Variants in ARMH4 observed in about 807,000 individuals in gnomAD.
The protein encoded by ARMH4 is armadillo-like helical domain-containing protein 4.
A neutral mutation model predicts 61.9 loss-of-function variants in ARMH4; 49 were observed. The observed-to-expected ratio is 0.79, with a 90% CI of 0.63 to 1.00. The LOEUF (loss-of-function observed/expected upper bound fraction) is 1.00. ARMH4 is among the 50% of genes least tolerant of loss of function. The probability of loss-of-function intolerance (pLI) is 0.00; values close to 1 mark genes in which losing one functional copy is unlikely to be tolerated. For missense variants in ARMH4, 934 were observed against 930.0 expected, an observed-to-expected ratio of 1.00 and a Z score of -0.06; for synonymous variants, 368 against 341.5, an observed-to-expected ratio of 1.08 and a Z score of -0.85.
At chr14:58,046,260 A>G (rs1410461816) in intron 5 of ARMH4, among the ~76,000 whole-genome samples, 4 of 152,184 alleles carry the variant, frequency 2.6e-5, no homozygotes, top group African/African-American at 9.7e-5. Flanking sequence ...TTGGAAACTA[A>G]ATCCCTGGTA....
intron 4 of ARMH4, among the ~76,000 whole-genome samples, chr14:58,121,356 G>GGC (rs1449936828): frequency 1.3e-5 from 2 of 151,858 alleles, no homozygotes; most frequent in Non-Finnish European, 2.9e-5. Context: ...GCAAAAAAAA[G>GGC]GCACACACAC....
At chr14:58,088,998 G>A (rs982140448) in intron 5 of ARMH4, among the ~76,000 whole-genome samples, 6 of 152,104 alleles carry the variant, frequency 3.9e-5, no homozygotes, top group Non-Finnish European at 8.8e-5. Context: ...GTAGCATCCA[G>A]GTATCAATAA....
intron 5 of ARMH4, among the ~76,000 whole-genome samples, chr14:58,096,221 T>A (rs1042591271): frequency 2.0e-5 from 3 of 152,220 alleles, no homozygotes; most frequent in Non-Finnish European, 4.4e-5. Flanking sequence ...ACTGCCCAAC[T>A]GCTCACCCAC....
In ARMH4 at chr14:58,099,708, T is replaced by A. The variant is rs1260418458; in HGVS notation, c.1832-2727A>T. On this transcript the variant is annotated intron_variant, in intron 4 of 7. Coordinates refer to ENST00000267485, the MANE Select transcript of ARMH4 (RefSeq NM_001001872.4). Reference sequence around the variant, plus strand: ...AAAATAGAATATAGAAAATAGAACCTGCTTGTAAGTTAATGGGTCAGATCT... The same window carrying A: ...AAAATAGAATATAGAAAATAGAACCAGCTTGTAAGTTAATGGGTCAGATCT... 2.0e-5 allele frequency among the ~76,000 whole-genome samples: 3 copies of A among 152,094 alleles called. No individual in the cohort carries two copies. In the East Asian group the frequency reaches 5.8e-4, roughly 29 times the overall value.
intron 5 of ARMH4, among the ~76,000 whole-genome samples, chr14:58,055,432 T>C (rs1331879926): frequency 1.1e-4 from 17 of 150,254 alleles, no homozygotes. Flanking sequence ...TGAGGTAGAA[T>C]AAATAGGGCT....
chr14:58,056,909 G>A (rs1335364258), intron 5 of ARMH4, among the ~76,000 whole-genome samples: 1 of 152,174 alleles, frequency 6.6e-6, no homozygotes, highest in East Asian at 1.9e-4. Flanking sequence ...TAGTGGAAGT[G>A]ATGTGCAACT....
chr14:58,062,629 G>A (rs1325142503), intron 5 of ARMH4, among the ~76,000 whole-genome samples: 1 of 152,218 alleles, frequency 6.6e-6, no homozygotes, highest in African/African-American at 2.4e-5. Flanking sequence ...CCGGGCACGA[G>A]GCTAAGTGTT....
At chr14:58,133,424 G>T (rs923475832) in intron 2 of ARMH4, 83 bp from the exon 3 acceptor site, 10 of 1,351,690 alleles carry the variant, frequency 7.4e-6, no homozygotes, top group East Asian at 4.8e-5. Flanking sequence ...TAAAAACTTG[G>T]GGGGAGGGGA....
rs528924848 is a variant in ARMH4 at position 58,015,606 on chromosome 14, T to C, written c.2090-3456A>G. 1.8e-3 allele frequency among the ~76,000 whole-genome samples: 278 copies of C among 152,298 alleles called. 3 individuals carry two copies. In the Middle Eastern group the frequency reaches 0.034, roughly 19 times the overall value. ...TTTGAGTAAGCATGATTCTCATTCATGAGGATCCTGTAAACAGTTTTCGGT... is the reference window on the plus strand; with the variant it reads ...TTTGAGTAAGCATGATTCTCATTCACGAGGATCCTGTAAACAGTTTTCGGT... On this transcript the variant is annotated intron_variant, in intron 5 of 7. Transcript: ENST00000267485.
intron 5 of ARMH4, among the ~76,000 whole-genome samples, chr14:58,036,954 T>C (rs1454341319): frequency 1.7e-5 from 2 of 119,544 alleles, no homozygotes; most frequent in African/African-American, 6.0e-5. Context: ...AGAATCAATA[T>C]CGTGAAAACG....
At chr14:58,150,955 A>C (rs1887900803) in intron 1 of ARMH4, among the ~76,000 whole-genome samples, 1 of 152,200 alleles carries the variant, frequency 6.6e-6, no homozygotes, top group Non-Finnish European at 1.5e-5. Context: ...GCCCAACAGC[A>C]TCACTTGTGA....
intron 4 of ARMH4, among the ~76,000 whole-genome samples, chr14:58,119,822 G>A (rs1886662530): frequency 6.6e-6 from 1 of 152,170 alleles, no homozygotes; most frequent in African/African-American, 2.4e-5. Flanking sequence ...TCTAACCAGT[G>A]AGCTATGACT....
In ARMH4 at chr14:58,128,566, T is replaced by C. The variant is rs199779496; in HGVS notation, c.1831+2946A>G. Among the ~76,000 whole-genome samples, 40 of 152,268 alleles carry C rather than the reference T, an allele frequency of 2.6e-4. No individual in the cohort carries two copies. In the East Asian group the frequency reaches 7.7e-3, roughly 29 times the overall value. ...AGGCAAGGTGAAAAATAAACCATTA[T>C]CCCTTCAAAAATCAAACTGCATTTT... On this transcript the variant is annotated intron_variant, in intron 4 of 7. Transcript: ENST00000267485.
chr14:58,103,516 C>T (rs553587815), intron 4 of ARMH4, among the ~76,000 whole-genome samples: 38 of 150,388 alleles, frequency 2.5e-4, no homozygotes, highest in African/African-American at 9.1e-4. Context: ...AACCAACTCC[C>T]GCCCCCCCCA....
In ARMH4 at chr14:58,005,053, T is replaced by TAA. The variant is rs1882110800; in HGVS notation, c.2250_2251insTT (p.Arg751LeufsTer14). 6.2e-7 allele frequency: 1 copy of TAA among 1,613,926 alleles called. No homozygotes were observed. The highest frequency in any genetic ancestry group is 8.5e-7 in the Non-Finnish European group (1 of 1,179,916). ...TGCTGTTGTTGGTTCCATACCTTTCTTTTATGCCTTTTGAAGCCATTTCTC... is the reference window on the plus strand; with the variant it reads ...TGCTGTTGTTGGTTCCATACCTTTCTAATTTATGCCTTTTGAAGCCATTTCTC... On this transcript the variant is annotated frameshift_variant, in exon 7 of 8. Transcript: ENST00000267485. LOFTEE classifies it high-confidence loss of function.
At chr14:58,056,167 A>T (rs1594727151) in intron 5 of ARMH4, among the ~76,000 whole-genome samples, 1 of 152,248 alleles carries the variant, frequency 6.6e-6, no homozygotes, top group East Asian at 1.9e-4. Context: ...GATTTCTCCC[A>T]ACTTAAGAAG....
intron 4 of ARMH4, chr14:58,101,244 A>C (rs2141271424): frequency 6.6e-6 from 1 of 152,482 alleles, no homozygotes; most frequent in Non-Finnish European, 1.5e-5. Context: ...GGTCTCCAAG[A>C]AGCAGAAATG....
chr14:58,127,228 A>G lies in ARMH4; in HGVS notation c.1831+4284T>C, dbSNP rs146362866. 5.1e-3 allele frequency among the ~76,000 whole-genome samples: 782 copies of G among 152,282 alleles called. 6 individuals carry two copies. Among genetic ancestry groups the G allele is most frequent in the African/African-American group, 0.018 (753 of 41,564 alleles). On this transcript the variant is annotated intron_variant, in intron 4 of 7. Transcript: ENST00000267485. ...TATGGTTTGGTTGTGTCCCCACCCAAATTTCATCTTGAATTGTAGCTCCCA... is the reference window on the plus strand; with the variant it reads ...TATGGTTTGGTTGTGTCCCCACCCAGATTTCATCTTGAATTGTAGCTCCCA...
chr14:58,073,095 T>C (rs776687656), intron 5 of ARMH4, among the ~76,000 whole-genome samples: 23 of 152,300 alleles, frequency 1.5e-4, no homozygotes, highest in Non-Finnish European at 2.1e-4. Context: ...AGTTCCTCTT[T>C]ATCTGAATAC....
Sources: gnomAD v4.1 joint callset for allele counts (sites outside exome capture counted in the v4.1 genomes callset) on GRCh38, gnomAD v4.1.1 for gene constraint, MANE v1.5 for transcripts, NCBI Gene and HGNC (gene_info 2026-07-23, HGNC 2026-07-21) for gene names.